SPTBN1: variants seen among roughly 807,000 people sequenced by gnomAD.
SPTBN1 encodes spectrin beta, non-erythrocytic 1.
A neutral mutation model predicts 266.4 loss-of-function variants in SPTBN1; 32 were observed. That is an observed-to-expected ratio of 0.12 (90% confidence interval 0.09 to 0.16). SPTBN1 has a LOEUF of 0.16. Among genes scored for constraint, SPTBN1 ranks in the 10% least tolerant of loss-of-function variants. The pLI, the probability that SPTBN1 is intolerant of heterozygous loss-of-function variation, is 1.00. For missense variants in SPTBN1, 2,296 were observed against 3,067.1 expected (o/e 0.75, Z 5.94); for synonymous variants, 1,336 against 1,162.2 (o/e 1.15, Z -3.04).
intron 2 of SPTBN1, among the ~76,000 whole-genome samples, chr2:54,543,603 A>G (rs1216562722): frequency 2.0e-5 from 3 of 151,780 alleles, no homozygotes; most frequent in Non-Finnish European, 2.9e-5. Context: ...TTTTTTTTTT[A>G]ATTAAAAAAA....
intron 18 of SPTBN1, 44 bp from the exon 19 acceptor site, chr2:54,642,939 A>T (rs1415360329): frequency 6.3e-7 from 1 of 1,587,302 alleles, no homozygotes; most frequent in Non-Finnish European, 8.6e-7. Flanking sequence ...AAAAAGGCTG[A>T]TGTCTAGGAT....
intron 1 of SPTBN1, among the ~76,000 whole-genome samples, chr2:54,485,278 T>C: frequency 6.6e-6 from 1 of 150,470 alleles, no homozygotes; most frequent in East Asian, 2.0e-4. Flanking sequence ...CTCGGCTCAC[T>C]GCAACCTCCC....
At chr2:54,505,895 C>T (rs967586612) in intron 1 of SPTBN1, among the ~76,000 whole-genome samples, 31 of 152,102 alleles carry the variant, frequency 2.0e-4, no homozygotes, top group African/African-American at 6.5e-4. Flanking sequence ...GAGGCTGAGG[C>T]GGGCGGATCT....
At chr2:54,637,900 A>G (rs1195703589) in intron 18 of SPTBN1, 97 bp downstream of exon 18, 10 of 1,061,950 alleles carry the variant, frequency 9.4e-6, no homozygotes, top group Non-Finnish European at 1.4e-5. Context: ...AAAATTAATG[A>G]AACCAGAAAT....
At chr2:54,534,406 A>C (rs1671472303) in intron 2 of SPTBN1, among the ~76,000 whole-genome samples, 1 of 152,232 alleles carries the variant, frequency 6.6e-6, no homozygotes, top group African/African-American at 2.4e-5. Context: ...CCCCTAGCAC[A>C]CAGTAACTAT....
At chr2:54,547,516 A>AT (rs767883769) in intron 2 of SPTBN1, among the ~76,000 whole-genome samples, 1 of 152,188 alleles carries the variant, frequency 6.6e-6, no homozygotes, top group East Asian at 1.9e-4. Flanking sequence ...TATATTTTTA[A>AT]TTTTTTGCAG....
At chr2:54,494,878 A>C (rs751421629) in intron 1 of SPTBN1, among the ~76,000 whole-genome samples, 2 of 151,730 alleles carry the variant, frequency 1.3e-5, no homozygotes, top group Admixed American at 6.6e-5. Flanking sequence ...TAATATGCAC[A>C]TTGTATATCA....
At chr2:54,483,282 T>C (rs1668190655) in intron 1 of SPTBN1, among the ~76,000 whole-genome samples, 1 of 152,208 alleles carries the variant, frequency 6.6e-6, no homozygotes, top group Non-Finnish European at 1.5e-5. Context: ...CCCCATGTTC[T>C]TGGAGCACTG....
intron 2 of SPTBN1, among the ~76,000 whole-genome samples, chr2:54,553,989 C>A (rs1203287789): frequency 2.0e-5 from 3 of 152,146 alleles, no homozygotes; most frequent in Non-Finnish European, 4.4e-5. Context: ...AGAAGAGGAA[C>A]AAAACCAAAC....
intron 2 of SPTBN1, among the ~76,000 whole-genome samples, chr2:54,537,456 A>G (rs997586425): frequency 6.6e-6 from 1 of 152,230 alleles, no homozygotes; most frequent in Admixed American, 6.5e-5. Flanking sequence ...GCTGGAAGCC[A>G]TATGTACAGA....
At chr2:54,461,130 T>C (rs1693345966) in intron 1 of SPTBN1, among the ~76,000 whole-genome samples, 1 of 152,234 alleles carries the variant, frequency 6.6e-6, no homozygotes, top group South Asian at 2.1e-4. Flanking sequence ...ATTTTGTGCA[T>C]ATCATTCCCT....
intron 2 of SPTBN1, among the ~76,000 whole-genome samples, chr2:54,560,208 T>A (rs911866963): frequency 6.7e-6 from 1 of 150,086 alleles, no homozygotes; most frequent in Non-Finnish European, 1.5e-5. Context: ...GTTCATTATC[T>A]AGGTTTGTTA....
intron 1 of SPTBN1, among the ~76,000 whole-genome samples, chr2:54,507,367 G>A (rs1011015405): frequency 3.3e-5 from 5 of 152,030 alleles, no homozygotes; most frequent in African/African-American, 1.2e-4. Context: ...ATTTTGGGGG[G>A]TGGTATGGAG....
intron 1 of SPTBN1, among the ~76,000 whole-genome samples, chr2:54,484,375 C>A (rs368730688): frequency 1.3e-5 from 2 of 152,162 alleles, no homozygotes; most frequent in Admixed American, 6.5e-5. Flanking sequence ...CCTTCCTTTC[C>A]CATTGTCAGT....
At chr2:54,584,145 A>C (rs1038824138) in intron 2 of SPTBN1, among the ~76,000 whole-genome samples, 1 of 152,216 alleles carries the variant, frequency 6.6e-6, no homozygotes, top group Non-Finnish European at 1.5e-5. Flanking sequence ...ACACTGTTCT[A>C]TAAGGGACTC....
intron 3 of SPTBN1, among the ~76,000 whole-genome samples, chr2:54,610,522 C>T (rs1677143590): frequency 6.6e-6 from 1 of 152,192 alleles, no homozygotes; most frequent in Admixed American, 6.5e-5. Context: ...GCCTCAGCCT[C>T]CCAAAGTGCT....
intron 29 of SPTBN1, 127 bp downstream of exon 29, chr2:54,656,125 C>A: frequency 8.6e-6 from 6 of 695,694 alleles, no homozygotes; most frequent in Non-Finnish European, 1.2e-5. Flanking sequence ...CTTTTTAGTG[C>A]CCCGTTTCAC....
At chr2:54,640,110 C>G (rs1182756917) in intron 18 of SPTBN1, among the ~76,000 whole-genome samples, 1 of 152,142 alleles carries the variant, frequency 6.6e-6, no homozygotes, top group African/African-American at 2.4e-5. Context: ...AAGGGTGATA[C>G]AGTCATTGGC....
At chr2:54,507,827 C>T (rs1340306441) in intron 1 of SPTBN1, among the ~76,000 whole-genome samples, 3 of 141,736 alleles carry the variant, frequency 2.1e-5, no homozygotes, top group Non-Finnish European at 3.0e-5. Flanking sequence ...AGCAGTAAGT[C>T]GAGACCTTTG....
Sources: allele counts gnomAD v4.1 joint callset (sites outside exome capture counted in the v4.1 genomes callset), GRCh38; gene constraint gnomAD v4.1.1; transcripts MANE v1.5; gene names NCBI Gene and HGNC (gene_info 2026-07-23, HGNC 2026-07-21).